Variants in RIPK4 observed in about 807,000 individuals in gnomAD.
RIPK4 encodes the protein receptor interacting serine/threonine kinase 4, also known as receptor-interacting serine/threonine-protein kinase 4.
Under a neutral mutation model 42.9 loss-of-function variants are expected in RIPK4, and 17 were observed. That is an observed-to-expected ratio of 0.40 (90% CI 0.27 to 0.59). The LOEUF is 0.59. RIPK4 is among the 20% of genes least tolerant of loss of function. The probability of loss-of-function intolerance (pLI) is 0.47; values close to 1 mark genes in which losing one functional copy is unlikely to be tolerated. For missense variants in RIPK4, 897 were observed against 1,104.4 expected, an observed-to-expected ratio of 0.81 and a Z score of 2.66; for synonymous variants, 498 against 499.1, an observed-to-expected ratio of 1.00 and a Z score of 0.03.
intron 1 of RIPK4, among the ~76,000 whole-genome samples, chr21:41,758,971 A>G (rs543867180): frequency 6.6e-6 from 1 of 152,248 alleles, no homozygotes; most frequent in Non-Finnish European, 1.5e-5. Context: ...CTGGCCATGC[A>G]GGATCGAGAT....
rs1216176835 is a variant in RIPK4 at position 41,741,680 on chromosome 21, A to G, written c.1513T>C (p.Trp505Arg). 1 of 1,613,576 alleles carries G rather than the reference A, an allele frequency of 6.2e-7. No homozygotes were observed. The highest frequency in any genetic ancestry group is 8.5e-7 in the Non-Finnish European group (1 of 1,180,012). ...ISVNAKDEDQ[W>R]TALHFAAQNG... ...TGGGCTGCAAAGTGGAGGGCTGTCC[A>G]CTGGTCCTCATCCTTGGCGTTGACA... is the stretch of plus-strand genomic sequence containing the variant. Residue 505 changes from tryptophan (W) to arginine (R), a missense_variant, in exon 8 of 8, where the codon TGG (tryptophan) becomes CGG (arginine). By Grantham distance (101) the Trp-to-Arg change is moderately radical. Transcript: ENST00000332512.
chr21:41,757,994 A>G (rs1042821320), intron 1 of RIPK4, among the ~76,000 whole-genome samples: 2 of 65,612 alleles, frequency 3.0e-5, no homozygotes, highest in African/African-American at 1.3e-4. Flanking sequence ...GAGAGACTCC[A>G]TAACAAAAAA....
chr21:41,764,602 GA>G (rs1408380413), intron 1 of RIPK4, among the ~76,000 whole-genome samples: 2 of 152,204 alleles, frequency 1.3e-5, no homozygotes, highest in African/African-American at 2.4e-5. Context: ...CAGCTCGTCA[GA>G]AAAGCACTGA....
chr21:41,756,836 T>G lies in RIPK4; in HGVS notation c.183-20A>C. 2.5e-6 allele frequency: 4 copies of G among 1,605,774 alleles called. No homozygotes were observed. Among genetic ancestry groups the G allele is most frequent in the Non-Finnish European group, 3.4e-6 (4 of 1,174,652 alleles). On this transcript the variant is annotated intron_variant, in intron 1 of 7. Transcript: ENST00000332512. The stretch of plus-strand genomic sequence containing the variant: ...CGCTCCCTGAAAAAGTTCAAAGGCA[T>G]GAAGAATACGCAATGGTCACTCAGC...
At chr21:41,758,021 A>AAAAATAT (rs1555910478) in intron 1 of RIPK4, among the ~76,000 whole-genome samples, 18 of 51,342 alleles carry the variant, frequency 3.5e-4, no homozygotes, top group Non-Finnish European at 4.4e-4. Context: ...AAAAAAAAAA[A>AAAAATAT]ATATATATAT....
chr21:41,749,296 C>T lies in RIPK4; in HGVS notation c.624-93G>A, dbSNP rs567271654. The T allele has an allele frequency of 1.9e-4, 232 of 1,224,536 alleles. 8 individuals are homozygous for T. In the South Asian group the frequency reaches 2.8e-3, roughly 15 times the overall value. The allele number at this position is 1,224,536 out of a possible 1,614,324, so 75.9% of individuals were successfully genotyped here. A position where few individuals can be genotyped will look rare whatever the true frequency, so the allele number is the denominator to read the frequency against. The stretch of plus-strand genomic sequence containing the variant: ...AGCAACAGGCGTGAAGACACCTGTT[C>T]TGAAGCCTTCCAAAGACAGAGCCAT... On this transcript the variant is annotated intron_variant, in intron 3 of 7. Coordinates refer to ENST00000332512, the MANE Select transcript of RIPK4 (RefSeq NM_020639.3).
At position 41,741,138 on chromosome 21, in the gene RIPK4, A is replaced by G. The variant is rs747941716; in HGVS notation, c.2055T>C (p.Thr685=). 6.2e-7 allele frequency: 1 copy of G among 1,612,884 alleles called. No individual in the cohort carries two copies. The highest frequency in any genetic ancestry group is 1.1e-5 in the South Asian group (1 of 91,044). ...HLAARNGHLA[T]VKLLVEEKAD... ...CCTTCTCCTCGACAAGCAGCTTGAC[A>G]GTGGCCAGGTGTCCGTTGCGGGCAG... Residue 685 remains threonine (T), a synonymous_variant, in exon 8 of 8, where the codon ACT becomes ACC. Transcript: ENST00000332512.
chr21:41,741,239 T>C lies in RIPK4; in HGVS notation c.1954A>G (p.Thr652Ala). The change falls in exon 8 of 8, where the codon ACT becomes GCT. Residue 652 changes from threonine (T) to alanine (A), a missense_variant. Thr to Ala is a moderately conservative substitution (Grantham distance 58, BLOSUM62 0). Transcript: ENST00000332512. ...HVAAETGHTS[T>A]ARLLLHRGAG... is the part of the protein sequence containing the mutation. ...CCCCGATGCAGGAGCAGCCTGGCAGTGCTCGTGTGCCCCGTCTCCGCGGCC... is the reference window on the plus strand; with the variant it reads ...CCCCGATGCAGGAGCAGCCTGGCAGCGCTCGTGTGCCCCGTCTCCGCGGCC... The C allele has an allele frequency of 6.2e-7, 1 of 1,609,214 alleles. No homozygotes were observed. The highest frequency in any genetic ancestry group is 8.5e-7 in the Non-Finnish European group (1 of 1,179,020).
At chr21:41,748,178 T>C (rs1197165036) in intron 4 of RIPK4, among the ~76,000 whole-genome samples, 2 of 152,184 alleles carry the variant, frequency 1.3e-5, no homozygotes, top group Non-Finnish European at 2.9e-5. Flanking sequence ...GTTCTGTGCT[T>C]TCTACTGACA....
At chr21:41,758,041 T>TAGAGAGAGAGAGAGAG (rs71188681) in intron 1 of RIPK4, among the ~76,000 whole-genome samples, 1 of 58,488 alleles carries the variant, frequency 1.7e-5, no homozygotes. Context: ...TATATATATA[T>TAGAGAGAGAGAGAGAG]AGAGAGAGAG....
intron 1 of RIPK4, among the ~76,000 whole-genome samples, chr21:41,764,599 T>A (rs958381937): frequency 1.3e-5 from 2 of 152,092 alleles, no homozygotes; most frequent in African/African-American, 4.8e-5. Flanking sequence ...AGGCAGCTCG[T>A]CAGAAAAGCA....
chr21:41,746,541 C>A (rs2061171877), intron 5 of RIPK4, 72 bp downstream of exon 5: 2 of 1,560,846 alleles, frequency 1.3e-6, no homozygotes, highest in African/African-American at 1.3e-5. Context: ...TGGTCCCTCA[C>A]CCTGTCCTGT....
In RIPK4 at chr21:41,740,758, G is replaced by T; in HGVS notation, c.*80C>A. ...TAGGTAAGCCACAACAGGGCCCCAC[G>T]CAGGATCGTTCCATCCCCACGAGGA... On this transcript the variant is annotated 3_prime_UTR_variant, in exon 8 of 8. Transcript: ENST00000332512. 1 of 1,411,696 alleles carries T rather than the reference G, an allele frequency of 7.1e-7. No individual in the cohort carries two copies. Among genetic ancestry groups the T allele is most frequent in the Non-Finnish European group, 9.5e-7 (1 of 1,055,876 alleles). The allele number at this position is 1,411,696 out of a possible 1,614,324, so 87.4% of individuals were successfully genotyped here.
chr21:41,749,913 AAGAAAAAC>A (rs1423925110), intron 3 of RIPK4, among the ~76,000 whole-genome samples: 1 of 151,934 alleles, frequency 6.6e-6, no homozygotes, highest in Non-Finnish European at 1.5e-5. Context: ...AAAAAAAGAA[AAGAAAAAC>A]AGAAGTCCGA....
chr21:41,750,235 C>T (rs984000687), intron 3 of RIPK4, among the ~76,000 whole-genome samples: 4 of 152,362 alleles, frequency 2.6e-5, no homozygotes, highest in Admixed American at 2.6e-4. Flanking sequence ...GGGTCCGAGT[C>T]ACAGTGCTGC....
Position 41,740,631 on chromosome 21 carries a change from G to T in RIPK4, c.*207C>A. Reference sequence around the variant, plus strand: ...ACAGCAGGTGCCTAGATCGATGATGGAGCGGGCATGTGCACCTGAGCCAGC... The same window carrying T: ...ACAGCAGGTGCCTAGATCGATGATGTAGCGGGCATGTGCACCTGAGCCAGC... On this transcript the variant is annotated 3_prime_UTR_variant, in exon 8 of 8. Coordinates refer to ENST00000332512, the MANE Select transcript of RIPK4 (RefSeq NM_020639.3). 1.7e-6 allele frequency: 1 copy of T among 580,404 alleles called. No homozygotes were observed. Among genetic ancestry groups the T allele is most frequent in the Non-Finnish European group, 3.0e-6 (1 of 329,836 alleles). The allele number at this position is 580,404 out of a possible 1,614,324, so 36.0% of individuals were successfully genotyped here.
At chr21:41,758,088 A>G (rs1298845179) in intron 1 of RIPK4, among the ~76,000 whole-genome samples, 3 of 144,618 alleles carry the variant, frequency 2.1e-5, no homozygotes, top group East Asian at 4.0e-4. Context: ...AATGTAGTCA[A>G]ATAGACATAA....
chr21:41,742,082 G>A lies in RIPK4; in HGVS notation c.1196-85C>T. 2 of 1,237,558 alleles carry A rather than the reference G, an allele frequency of 1.6e-6. No individual in the cohort carries two copies. The highest frequency in any genetic ancestry group is 2.3e-6 in the Non-Finnish European group (2 of 887,622). 76.7% of individuals were successfully genotyped at this position (1,237,558 alleles called of 1,614,324 possible). A position where few individuals can be genotyped will look rare whatever the true frequency, so the allele number is the denominator to read the frequency against. Reference sequence around the variant, plus strand: ...TCTGGGAGCCTGGCTGTGGCGCTCAGGTGGAGGAGTGCCATGGCCTCCAGG... The same window carrying A: ...TCTGGGAGCCTGGCTGTGGCGCTCAAGTGGAGGAGTGCCATGGCCTCCAGG... On this transcript the variant is annotated intron_variant, in intron 7 of 7. Transcript: ENST00000332512. This position sits in a 1 kb window ranked among gnomAD's most constrained non-coding sequence, Gnocchi z 5.1.
At position 41,749,328 on chromosome 21, in the gene RIPK4, G is replaced by A. The variant is rs987741087; in HGVS notation, c.624-125C>T. 8.1e-6 allele frequency: 7 copies of A among 864,694 alleles called. No individual in the cohort carries two copies. The Admixed American group carries it at 1.0e-4, about 13-fold the overall frequency. 53.6% of individuals were successfully genotyped at this position (864,694 alleles called of 1,614,324 possible). A position where few individuals can be genotyped will look rare whatever the true frequency, so the allele number is the denominator to read the frequency against. On this transcript the variant is annotated intron_variant, in intron 3 of 7. Coordinates refer to ENST00000332512, the MANE Select transcript of RIPK4 (RefSeq NM_020639.3). ...CTTCCAAAGACAGAGCCATGACACCGAGATATTTCTCCTGTTTTTAAAAAG... is the reference window on the plus strand; with the variant it reads ...CTTCCAAAGACAGAGCCATGACACCAAGATATTTCTCCTGTTTTTAAAAAG...
Sources: gnomAD v4.1 joint callset for allele counts (sites outside exome capture counted in the v4.1 genomes callset) on GRCh38, gnomAD v4.1.1 for gene constraint, Gnocchi (gnomAD v3.1) non-coding constraint, MANE v1.5 for transcripts, NCBI Gene and HGNC (gene_info 2026-07-23, HGNC 2026-07-21) for gene names.